The following CTNNBL1 variants were observed in gnomAD, a reference collection of about 807,000 sequenced individuals.
The protein encoded by CTNNBL1 is beta-catenin-like protein 1.
In CTNNBL1, 31 loss-of-function variants were observed where a neutral mutation model predicts 72.7. The ratio of observed to expected loss-of-function variants is 0.43; its 90% confidence interval spans 0.32 to 0.58. The LOEUF is 0.58. CTNNBL1 is among the 20% of genes least tolerant of loss of function. The probability of loss-of-function intolerance (pLI) is 0.08; values close to 1 mark genes in which losing one functional copy is unlikely to be tolerated. For missense variants in CTNNBL1, 534 were observed against 725.1 expected, an observed-to-expected ratio of 0.74 and a Z score of 3.03; for synonymous variants, 240 against 267.3, an observed-to-expected ratio of 0.90 and a Z score of 1.00.
chr20:37,858,692 A>G (rs2072464133), intron 13 of CTNNBL1, among the ~76,000 whole-genome samples: 2 of 152,202 alleles, frequency 1.3e-5, no homozygotes. Context: ...ATTGTATAGT[A>G]TGTGAATTAT....
chr20:37,725,121 G>C lies in CTNNBL1; in HGVS notation c.31-7758G>C, dbSNP rs983241642. Reference sequence around the variant, plus strand: ...AGGTCCTCACTATGTTGCTCAGGCTGGTCTCGAACTCCTGGGCTCAAGTGA... The same window carrying C: ...AGGTCCTCACTATGTTGCTCAGGCTCGTCTCGAACTCCTGGGCTCAAGTGA... On this transcript the variant is annotated intron_variant, in intron 1 of 15. Transcript: ENST00000361383. Among the ~76,000 whole-genome samples the C allele has an allele frequency of 7.9e-5, 12 of 151,798 alleles. No individual in the cohort carries two copies. The East Asian group carries it at 1.5e-3, about 20-fold the overall frequency.
chr20:37,800,170 T>C (rs1419049731), intron 10 of CTNNBL1, among the ~76,000 whole-genome samples: 1 of 152,352 alleles, frequency 6.6e-6, no homozygotes, highest in East Asian at 1.9e-4. Context: ...TGAAAGGCTC[T>C]GGGTTGTTAC....
In CTNNBL1 at chr20:37,872,059, C is replaced by T. The variant is rs574778210; in HGVS notation, c.*46C>T. The T allele has an allele frequency of 6.7e-7, 1 of 1,488,642 alleles. No individual in the cohort carries two copies. Among genetic ancestry groups the T allele is most frequent in the Non-Finnish European group, 9.4e-7 (1 of 1,065,958 alleles). The allele number at this position is 1,488,642 out of a possible 1,614,324, so 92.2% of individuals were successfully genotyped here. A position where few individuals can be genotyped will look rare whatever the true frequency, so the allele number is the denominator to read the frequency against. On this transcript the variant is annotated 3_prime_UTR_variant, in exon 16 of 16. Coordinates refer to ENST00000361383, the MANE Select transcript of CTNNBL1 (RefSeq NM_030877.5). ...TCATGGACTCTCTCAGCTTCCCTCC[C>T]AGGATCAGTTTCTACACAACTCTGT...
chr20:37,741,045 A>G (rs1032107139), intron 3 of CTNNBL1, among the ~76,000 whole-genome samples: 5 of 152,230 alleles, frequency 3.3e-5, no homozygotes, highest in Non-Finnish European at 7.3e-5. Context: ...CTTGTGGTTG[A>G]AGGAGAATAT....
intron 11 of CTNNBL1, among the ~76,000 whole-genome samples, chr20:37,810,038 T>A (rs1352336808): frequency 6.6e-6 from 1 of 152,188 alleles, no homozygotes; most frequent in African/African-American, 2.4e-5. Flanking sequence ...TTTTTTTATC[T>A]TTAAGATCAA....
chr20:37,845,652 A>T (rs914924760), intron 13 of CTNNBL1, among the ~76,000 whole-genome samples: 1 of 152,194 alleles, frequency 6.6e-6, no homozygotes, highest in East Asian at 1.9e-4. Flanking sequence ...ACTTAGAACA[A>T]TACGACCTCC....
chr20:37,722,532 G>A (rs189411568), intron 1 of CTNNBL1, among the ~76,000 whole-genome samples: 2 of 151,486 alleles, frequency 1.3e-5, no homozygotes, highest in Non-Finnish European at 2.9e-5. Context: ...AAAGTCTGTT[G>A]TATATACAGG....
In CTNNBL1 at chr20:37,846,461, G is replaced by A. The variant is rs185790948; in HGVS notation, c.1392+4042G>A. 1.4e-3 allele frequency among the ~76,000 whole-genome samples: 208 copies of A among 152,240 alleles called. 1 individual carries two copies. The highest frequency in any genetic ancestry group is 4.1e-3 in the African/African-American group (171 of 41,520). On this transcript the variant is annotated intron_variant, in intron 13 of 15. Coordinates refer to ENST00000361383, the MANE Select transcript of CTNNBL1 (RefSeq NM_030877.5). ...TGGATGGTGTTTGTTTTGTGTTTAA[G>A]GTGTATGTCCCAGTTTGTGTACTTT...
intron 15 of CTNNBL1, among the ~76,000 whole-genome samples, chr20:37,863,356 G>A (rs1023700916): frequency 2.0e-5 from 3 of 152,320 alleles, no homozygotes; most frequent in East Asian, 1.9e-4. Flanking sequence ...AGGAATAAGC[G>A]AGATCCCTAT....
intron 10 of CTNNBL1, among the ~76,000 whole-genome samples, chr20:37,799,407 C>G (rs931035048): frequency 7.9e-5 from 12 of 152,182 alleles, no homozygotes; most frequent in African/African-American, 2.2e-4. Context: ...ACCTCTAGTT[C>G]CCTGGCTGGC....
rs140041850 is a variant in CTNNBL1 at position 37,773,560 on chromosome 20, G to A, written c.751-3785G>A. On this transcript the variant is annotated intron_variant, in intron 7 of 15. Transcript: ENST00000361383. Reference sequence around the variant, plus strand: ...TTGCAAAATCCAAGAGACTATACCTGCTAAGTAAAATCTCCTTTCTCCTGA... The same window carrying A: ...TTGCAAAATCCAAGAGACTATACCTACTAAGTAAAATCTCCTTTCTCCTGA... 3.6e-4 allele frequency among the ~76,000 whole-genome samples: 55 copies of A among 152,298 alleles called. 1 individual carries two copies. Among genetic ancestry groups the A allele is most frequent in the African/African-American group, 1.3e-3 (54 of 41,560 alleles).
chr20:37,739,560 G>C (rs115842569), intron 3 of CTNNBL1, among the ~76,000 whole-genome samples: 4,682 of 152,178 alleles, frequency 0.031, 220 homozygotes, highest in African/African-American at 0.11. Flanking sequence ...TTCCCAGATT[G>C]AAGGGTATGT....
intron 1 of CTNNBL1, among the ~76,000 whole-genome samples, chr20:37,700,313 C>T (rs2072829198): frequency 6.6e-6 from 1 of 152,024 alleles, no homozygotes; most frequent in Admixed American, 6.6e-5. Context: ...GAGACTAAGC[C>T]AGGAAAAATA....
chr20:37,737,588 T>C (rs943145548), intron 3 of CTNNBL1, 104 bp downstream of exon 3: 1 of 693,894 alleles, frequency 1.4e-6, no homozygotes, highest in Admixed American at 2.7e-5. Flanking sequence ...GGGCCAGGAA[T>C]CCCAGGATGA....
chr20:37,756,565 T>A (rs2073365903), intron 4 of CTNNBL1, among the ~76,000 whole-genome samples: 2 of 151,286 alleles, frequency 1.3e-5, no homozygotes, highest in African/African-American at 4.9e-5. Flanking sequence ...CAAATATAAC[T>A]CTTTCTCTCC....
intron 11 of CTNNBL1, among the ~76,000 whole-genome samples, chr20:37,828,698 A>T (rs1242140127): frequency 6.6e-6 from 1 of 152,304 alleles, no homozygotes; most frequent in East Asian, 1.9e-4. Context: ...CCTATGCACT[A>T]TTCAGTGTTT....
At position 37,803,016 on chromosome 20, in the gene CTNNBL1, A is replaced by G. The variant is rs771046371; in HGVS notation, c.1181A>G (p.Lys394Arg). 3 of 1,614,038 alleles carry G rather than the reference A, an allele frequency of 1.9e-6. No homozygotes were observed. Among genetic ancestry groups the G allele is most frequent in the Admixed American group, 1.7e-5 (1 of 60,002 alleles). Residue 394 changes from lysine to arginine, a missense_variant, in exon 11 of 16, where the codon AAG becomes AGG. By Grantham distance (26) the Lys-to-Arg change is conservative (BLOSUM62 2). Transcript: ENST00000361383. ...TTTATGAAATCTCCCAGGAAGATCA[A>G]GAAAGTGGGAACCACTGAGAAGGAA... is the stretch of plus-strand genomic sequence containing the variant. ...PLFMKSPRKIKKVGTTEKEHE... is the reference protein window; with the variant it reads ...PLFMKSPRKIRKVGTTEKEHE...
chr20:37,721,301 C>T (rs2073038766), intron 1 of CTNNBL1, among the ~76,000 whole-genome samples: 1 of 152,156 alleles, frequency 6.6e-6, no homozygotes, highest in African/African-American at 2.4e-5. Flanking sequence ...TTTTATACTT[C>T]TAAAAAGTGC....
chr20:37,858,489 A>T (rs1015449746), intron 13 of CTNNBL1, among the ~76,000 whole-genome samples: 3 of 152,200 alleles, frequency 2.0e-5, no homozygotes, highest in Non-Finnish European at 4.4e-5. Flanking sequence ...CTGAAAAATG[A>T]TGTGAACTTG....
Sources: allele counts gnomAD v4.1 joint callset (sites outside exome capture counted in the v4.1 genomes callset), GRCh38; gene constraint gnomAD v4.1.1; transcripts MANE v1.5; gene names NCBI Gene and HGNC (gene_info 2026-07-23, HGNC 2026-07-21).